Variants in RNLS observed in about 807,000 individuals in gnomAD.
The protein encoded by RNLS is renalase, FAD dependent amine oxidase, also known as renalase.
A neutral mutation model predicts 39.8 loss-of-function variants in RNLS; 39 were observed. That is an observed-to-expected ratio of 0.98 (90% CI 0.76 to 1.28). The LOEUF (loss-of-function observed/expected upper bound fraction) is 1.28. Among genes scored for constraint, RNLS ranks in the 50% most tolerant of loss-of-function variants. The pLI is 0.00. For synonymous variants in RNLS, 147 were observed against 150.7 expected, an observed-to-expected ratio of 0.98 and a Z score of 0.18; for missense variants, 410 against 413.3, an observed-to-expected ratio of 0.99 and a Z score of 0.07.
chr10:88,558,466 T>A (rs1288668709), intron 4 of RNLS, among the ~76,000 whole-genome samples: 1 of 152,226 alleles, frequency 6.6e-6, no homozygotes, highest in African/African-American at 2.4e-5. Context: ...TTGTTATTTT[T>A]TTTCTGACAC....
chr10:88,495,492 G>A (rs1332198405), intron 4 of RNLS, among the ~76,000 whole-genome samples: 2 of 152,126 alleles, frequency 1.3e-5, no homozygotes, highest in East Asian at 3.9e-4. Context: ...GTAAAAAAGT[G>A]TATATAATAC....
At chr10:88,395,689 T>C (rs938343123) in intron 4 of RNLS, among the ~76,000 whole-genome samples, 5 of 152,016 alleles carry the variant, frequency 3.3e-5, no homozygotes, top group African/African-American at 1.2e-4. Context: ...ATATAAATAA[T>C]GGCTAAAACT....
chr10:88,269,849 CATT>C (rs755107984), downstream of RNLS, among the ~76,000 whole-genome samples: 5 of 152,168 alleles, frequency 3.3e-5, no homozygotes, highest in South Asian at 2.1e-4. Flanking sequence ...TTTGTTTTAT[CATT>C]ATTATTATTT....
chr10:88,285,774 A>C (rs1005809251), intron 6 of RNLS, among the ~76,000 whole-genome samples: 31 of 152,250 alleles, frequency 2.0e-4, no homozygotes, highest in Middle Eastern at 3.4e-3. Flanking sequence ...AGTGGGCTGA[A>C]CTTCAAAATT....
intron 4 of RNLS, among the ~76,000 whole-genome samples, chr10:88,472,944 G>A (rs1034368485): frequency 6.6e-5 from 10 of 152,240 alleles, no homozygotes; most frequent in Middle Eastern, 3.4e-3. Context: ...TAACTTAACC[G>A]TGAGGATATG....
chr10:88,185,875 T>C, the RNLS span, among the ~76,000 whole-genome samples: 1 of 152,182 alleles, frequency 6.6e-6, no homozygotes, highest in Non-Finnish European at 1.5e-5. Flanking sequence ...TTAAAAAACA[T>C]TGGCCAAAGC....
At chr10:88,466,341 G>T (rs1402867277) in intron 4 of RNLS, among the ~76,000 whole-genome samples, 2 of 152,116 alleles carry the variant, frequency 1.3e-5, no homozygotes, top group Non-Finnish European at 2.9e-5. Flanking sequence ...CCAGCATTTT[G>T]GGAAGCTGAG....
chr10:88,174,297 G>A, the RNLS span, among the ~76,000 whole-genome samples: 1 of 151,914 alleles, frequency 6.6e-6, no homozygotes, highest in South Asian at 2.1e-4. Context: ...TGTTGGATAA[G>A]AGCAGTGAAA....
intron 4 of RNLS, among the ~76,000 whole-genome samples, chr10:88,436,723 A>G (rs1841435434): frequency 6.6e-6 from 1 of 152,112 alleles, no homozygotes; most frequent in South Asian, 2.1e-4. Context: ...TCAGAATTCT[A>G]TCATTTACCC....
intron 4 of RNLS, among the ~76,000 whole-genome samples, chr10:88,436,532 T>C (rs1404814493): frequency 6.6e-6 from 1 of 152,182 alleles, no homozygotes; most frequent in Non-Finnish European, 1.5e-5. Context: ...ATCCAAGCTT[T>C]TACCATTTAA....
chr10:88,381,378 G>A (rs1488623436), intron 4 of RNLS, among the ~76,000 whole-genome samples: 2 of 150,174 alleles, frequency 1.3e-5, no homozygotes, highest in African/African-American at 4.9e-5. Context: ...GTAGTCTGTT[G>A]TTTTCGTTAT....
At chr10:88,289,973 T>C (rs1306503100) in intron 6 of RNLS, among the ~76,000 whole-genome samples, 1 of 151,992 alleles carries the variant, frequency 6.6e-6, no homozygotes, top group African/African-American at 2.4e-5. Context: ...AATGGGAAAA[T>C]ATTGTCAATT....
chr10:88,393,144 C>A (rs904902208), intron 4 of RNLS, among the ~76,000 whole-genome samples: 1 of 152,126 alleles, frequency 6.6e-6, no homozygotes, highest in East Asian at 1.9e-4. Context: ...GACAGGGATG[C>A]CCTCTCTTAC....
chr10:88,575,389 GA>G (rs1187753775), intron 3 of RNLS, among the ~76,000 whole-genome samples: 1 of 151,242 alleles, frequency 6.6e-6, no homozygotes, highest in Non-Finnish European at 1.5e-5. Flanking sequence ...TACTGAATAA[GA>G]AACTCTGGGA....
At chr10:88,390,808 G>A (rs1427082134) in intron 4 of RNLS, among the ~76,000 whole-genome samples, 1 of 152,096 alleles carries the variant, frequency 6.6e-6, no homozygotes, top group Non-Finnish European at 1.5e-5. Context: ...GAGGTAAGGG[G>A]AAGTTCCATA....
At chr10:88,312,272 CCTG>C (rs1243982901) in intron 6 of RNLS, among the ~76,000 whole-genome samples, 1 of 152,200 alleles carries the variant, frequency 6.6e-6, no homozygotes, top group African/African-American at 2.4e-5. Context: ...AAGGATTTGA[CCTG>C]CTGTTGCTGG....
chr10:88,285,224 G>GA lies in RNLS; in HGVS notation c.*129dup, dbSNP rs1843181641. 3 of 1,383,928 alleles carry GA rather than the reference G, an allele frequency of 2.2e-6. No individual in the cohort carries two copies. The South Asian group carries it at 5.5e-5, about 25-fold the overall frequency. The allele number at this position is 1,383,928 out of a possible 1,614,324, so 85.7% of individuals were successfully genotyped here. A position where few individuals can be genotyped will look rare whatever the true frequency, so the allele number is the denominator to read the frequency against. On this transcript the variant is annotated 3_prime_UTR_variant, in exon 7 of 7. Transcript: ENST00000331772. ...ACAAAATTGATTTTATACTCCACAT[G>GA]AAAAATGATAATAAGTGAAGAACAA...
chr10:88,351,843 A>G (rs1848736381), intron 5 of RNLS, among the ~76,000 whole-genome samples: 2 of 152,162 alleles, frequency 1.3e-5, no homozygotes, highest in Non-Finnish European at 2.9e-5. Context: ...TAAGCATGGA[A>G]TGTTCTTCCA....
At chr10:88,493,668 T>C (rs538897817) in intron 4 of RNLS, among the ~76,000 whole-genome samples, 82 of 152,288 alleles carry the variant, frequency 5.4e-4, no homozygotes, top group Non-Finnish European at 9.1e-4. Context: ...AGGGGCTTTT[T>C]TAAATTGTAG....
Sources: allele counts gnomAD v4.1 joint callset (sites outside exome capture counted in the v4.1 genomes callset), GRCh38; gene constraint gnomAD v4.1.1; transcripts MANE v1.5; gene names NCBI Gene and HGNC (gene_info 2026-07-23, HGNC 2026-07-21).